The following CEP112 variants were observed in gnomAD, a reference collection of about 807,000 sequenced individuals.
The protein encoded by CEP112 is centrosomal protein of 112 kDa.
In CEP112, 127 loss-of-function variants were observed where a neutral mutation model predicts 153.0. That is an observed-to-expected ratio of 0.83 (90% CI 0.72 to 0.96). The LOEUF is 0.96. Ranked by LOEUF, CEP112 falls within the 40% of genes least tolerant of loss-of-function variation. The pLI, the probability that CEP112 is intolerant of heterozygous loss-of-function variation, is 0.00. For synonymous variants in CEP112, 358 were observed against 374.4 expected, an observed-to-expected ratio of 0.96 and a Z score of 0.51; for missense variants, 1,089 against 1,101.2, an observed-to-expected ratio of 0.99 and a Z score of 0.16.
chr17:66,025,847 T>C (rs1458965403), intron 16 of CEP112, among the ~76,000 whole-genome samples: 2 of 150,900 alleles, frequency 1.3e-5, no homozygotes, highest in South Asian at 4.2e-4. Context: ...TCTCACAGCA[T>C]GATTCACAAT....
chr17:65,766,689 G>A (rs1477044629), intron 21 of CEP112, among the ~76,000 whole-genome samples: 1 of 142,120 alleles, frequency 7.0e-6, no homozygotes, highest in Admixed American at 7.2e-5. Context: ...GATGGAAGAA[G>A]CTATTGCACG....
At chr17:65,842,400 T>C (rs1417794439) in intron 21 of CEP112, among the ~76,000 whole-genome samples, 1 of 152,084 alleles carries the variant, frequency 6.6e-6, no homozygotes, top group African/African-American at 2.4e-5. Flanking sequence ...CTCTCCTGGA[T>C]TGCCAGAAAA....
chr17:65,974,973 A>G (rs1327168348), intron 17 of CEP112, among the ~76,000 whole-genome samples: 2 of 152,138 alleles, frequency 1.3e-5, no homozygotes, highest in Admixed American at 6.6e-5. Flanking sequence ...AAAATGAAAT[A>G]AGGACAGGAG....
chr17:65,787,973 C>CG (rs1370054147), intron 21 of CEP112, among the ~76,000 whole-genome samples: 7 of 152,174 alleles, frequency 4.6e-5, no homozygotes, highest in Non-Finnish European at 8.8e-5. Context: ...CAGTGATTAA[C>CG]GGGCACCCTT....
chr17:65,973,965 C>T (rs2062941044), intron 17 of CEP112, among the ~76,000 whole-genome samples: 1 of 152,092 alleles, frequency 6.6e-6, no homozygotes. Flanking sequence ...ATCTCACTTA[C>T]AAGAGTACTG....
At chr17:65,731,609 G>A (rs1375052553) in intron 23 of CEP112, among the ~76,000 whole-genome samples, 1 of 152,186 alleles carries the variant, frequency 6.6e-6, no homozygotes, top group Non-Finnish European at 1.5e-5. Context: ...AGATTTCTCT[G>A]TAGCATGCGA....
chr17:65,763,136 T>C (rs988214319), intron 21 of CEP112, among the ~76,000 whole-genome samples: 1 of 152,098 alleles, frequency 6.6e-6, no homozygotes, highest in Non-Finnish European at 1.5e-5. Flanking sequence ...CTTCTCTCTC[T>C]TCACGCTTGC....
chr17:65,828,458 C>T (rs2056936335), intron 21 of CEP112, among the ~76,000 whole-genome samples: 1 of 152,172 alleles, frequency 6.6e-6, no homozygotes, highest in African/African-American at 2.4e-5. Flanking sequence ...GAGATGGAGA[C>T]AGTATGTTGA....
chr17:65,984,390 C>A (rs2063331411), intron 17 of CEP112, among the ~76,000 whole-genome samples: 1 of 152,130 alleles, frequency 6.6e-6, no homozygotes, highest in African/African-American at 2.4e-5. Flanking sequence ...TATGTGAAAT[C>A]TTCTGATTTT....
chr17:65,922,353 G>A (rs895799173), intron 19 of CEP112, among the ~76,000 whole-genome samples: 1 of 151,766 alleles, frequency 6.6e-6, no homozygotes, highest in East Asian at 1.9e-4. Context: ...ATTTTATAAG[G>A]AGAGTTACTC....
chr17:65,759,967 G>T (rs2052513587), intron 21 of CEP112, among the ~76,000 whole-genome samples: 1 of 152,110 alleles, frequency 6.6e-6, no homozygotes, highest in East Asian at 1.9e-4. Flanking sequence ...TTGAACCTTT[G>T]TAAGTCAGGG....
At chr17:66,106,592 G>C (rs1303780908) in intron 6 of CEP112, among the ~76,000 whole-genome samples, 1 of 151,918 alleles carries the variant, frequency 6.6e-6, no homozygotes. Flanking sequence ...GAGTGAATAA[G>C]GAAGAAATCT....
chr17:66,043,441 T>G (rs1598208802), intron 12 of CEP112, among the ~76,000 whole-genome samples: 1 of 152,230 alleles, frequency 6.6e-6, no homozygotes, highest in South Asian at 2.1e-4. Context: ...CAACTGTAAC[T>G]CAATATAATT....
chr17:65,943,376 A>G (rs1256590138), intron 18 of CEP112, among the ~76,000 whole-genome samples: 1 of 152,234 alleles, frequency 6.6e-6, no homozygotes, highest in Non-Finnish European at 1.5e-5. Flanking sequence ...ACATTTAACT[A>G]CATTACTAAC....
intron 18 of CEP112, among the ~76,000 whole-genome samples, chr17:65,929,151 A>G (rs2061035033): frequency 6.6e-6 from 1 of 152,188 alleles, no homozygotes; most frequent in African/African-American, 2.4e-5. Context: ...TCCTGAATAC[A>G]TTTTTTAAAA....
chr17:65,777,059 G>T (rs1216594795), intron 21 of CEP112, among the ~76,000 whole-genome samples: 1 of 152,124 alleles, frequency 6.6e-6, no homozygotes, highest in Non-Finnish European at 1.5e-5. Context: ...ACATTTTCCA[G>T]CCTCCTTTGC....
chr17:65,995,179 G>A (rs1253604766), intron 17 of CEP112, among the ~76,000 whole-genome samples: 2 of 111,794 alleles, frequency 1.8e-5, no homozygotes, highest in South Asian at 3.5e-4. Context: ...GGGGTGGGGG[G>A]TGGGGAGGCA....
chr17:65,706,016 T>C (rs7213913), intron 23 of CEP112, among the ~76,000 whole-genome samples: 74,036 of 151,894 alleles, frequency 0.49, 18,711 homozygotes, highest in African/African-American at 0.59. Flanking sequence ...GAGGGGGAAA[T>C]GACAGAGTAA....
intron 17 of CEP112, among the ~76,000 whole-genome samples, chr17:65,991,802 C>A (rs9915331): frequency 6.6e-6 from 1 of 151,888 alleles, no homozygotes; most frequent in South Asian, 2.1e-4. Context: ...TTTCACCAAC[C>A]TTACAAACAA....
Sources: gnomAD v4.1 joint callset for allele counts (sites outside exome capture counted in the v4.1 genomes callset) on GRCh38, gnomAD v4.1.1 for gene constraint, MANE v1.5 for transcripts, NCBI Gene and HGNC (gene_info 2026-07-23, HGNC 2026-07-21) for gene names.